CEP95: variants seen among roughly 807,000 people sequenced by gnomAD.
CEP95 encodes the protein centrosomal protein 95.
CEP95 carries 98 observed loss-of-function variants against 111.2 expected under a neutral mutation model. That is an observed-to-expected ratio of 0.88 (90% CI 0.75 to 1.04). The LOEUF is 1.04. CEP95 is among the 50% of genes least tolerant of loss of function. The pLI, the probability that CEP95 is intolerant of heterozygous loss-of-function variation, is 0.00. For missense variants in CEP95, 1,027 were observed against 977.2 expected, an observed-to-expected ratio of 1.05 and a Z score of -0.68; for synonymous variants, 323 against 327.1, an observed-to-expected ratio of 0.99 and a Z score of 0.14.
At chr17:64,507,489 T>C (rs1427504908) in intron 1 of CEP95, 2 of 1,220,204 alleles carry the variant, frequency 1.6e-6, no homozygotes, top group Non-Finnish European at 2.1e-6. Context: ...TGCTTTTGTA[T>C]TGGTCTTTAA....
Position 64,522,836 on chromosome 17 carries a change from C to T in CEP95, c.850C>T (p.His284Tyr), listed in dbSNP as rs782018529. ...APCPIGKEYLHSSHCSPAVNS... is the reference protein window; with the variant it reads ...APCPIGKEYLYSSHCSPAVNS... ...CTGCCCCATAGGAAAAGAATACTTGCATTCAAGTCACTGCTCCCCAGCCGT... is the reference window on the plus strand; with the variant it reads ...CTGCCCCATAGGAAAAGAATACTTGTATTCAAGTCACTGCTCCCCAGCCGT... Residue 284 changes from histidine to tyrosine, a missense_variant, in exon 8 of 20, where the codon CAT becomes TAT. By Grantham distance (83) the His-to-Tyr change is moderately conservative. Coordinates refer to ENST00000556440, the MANE Select transcript of CEP95 (RefSeq NM_138363.3). The T allele has an allele frequency of 1.2e-6, 2 of 1,613,568 alleles. No homozygotes were observed. Among genetic ancestry groups the T allele is most frequent in the Admixed American group, 3.3e-5 (2 of 59,994 alleles).
chr17:64,508,664 G>C lies in CEP95; in HGVS notation c.92G>C (p.Cys31Ser). The change falls in exon 2 of 20, where the codon TGT becomes TCT. Residue 31 changes from cysteine to serine, a missense_variant. Coordinates refer to ENST00000556440, the MANE Select transcript of CEP95 (RefSeq NM_138363.3). Reference protein sequence around the residue: ...IHLRIHELQDCDANVFIALYQ... With the variant: ...IHLRIHELQDSDANVFIALYQ... ...CTGAGAATACATGAACTTCAAGACT[G>C]TGATGCTAATGTTTTTATTGCTCTT... 1 of 1,463,700 alleles carries C rather than the reference G, an allele frequency of 6.8e-7. No homozygotes were observed. The highest frequency in any genetic ancestry group is 9.1e-7 in the Non-Finnish European group (1 of 1,098,930). 90.7% of individuals were successfully genotyped at this position (1,463,700 alleles called of 1,614,324 possible).
chr17:64,537,891 T>C lies in CEP95; in HGVS notation c.*112T>C. The C allele has an allele frequency of 4.0e-6, 2 of 506,242 alleles. No individual in the cohort carries two copies. Among genetic ancestry groups the C allele is most frequent in the Non-Finnish European group, 3.2e-6 (1 of 314,806 alleles). The allele number at this position is 506,242 out of a possible 1,614,324, so 31.4% of individuals were successfully genotyped here. ...AAAAATAATTTTCAAATGCTTTACC[T>C]GTATTTTCATTCCAGTACTTTTTAT... is the stretch of plus-strand genomic sequence containing the variant. On this transcript the variant is annotated 3_prime_UTR_variant, in exon 20 of 20. Transcript: ENST00000556440.
Position 64,508,651 on chromosome 17 carries a change from G to A in CEP95, c.79G>A (p.Glu27Lys), listed in dbSNP as rs1555673731. 2.0e-6 allele frequency: 3 copies of A among 1,466,518 alleles called. No homozygotes were observed. The South Asian group carries it at 4.6e-5, about 23-fold the overall frequency. 90.8% of individuals were successfully genotyped at this position (1,466,518 alleles called of 1,614,324 possible). ...FKCHIHLRIHELQDCDANVFI... is the reference protein window; with the variant it reads ...FKCHIHLRIHKLQDCDANVFI... ...GTGTCATATACATCTGAGAATACATGAACTTCAAGACTGTGATGCTAATGT... is the reference window on the plus strand; with the variant it reads ...GTGTCATATACATCTGAGAATACATAAACTTCAAGACTGTGATGCTAATGT... The change falls in exon 2 of 20, where the codon GAA becomes AAA. Residue 27 changes from glutamate (E) to lysine (K), a missense_variant. By Grantham distance (56) the Glu-to-Lys change is moderately conservative. Coordinates refer to ENST00000556440, the MANE Select transcript of CEP95 (RefSeq NM_138363.3).
In CEP95 at chr17:64,522,707, A is replaced by G; in HGVS notation, c.721A>G (p.Thr241Ala). ...ACTTTAATTTGTCTTACTAGCGGAA[A>G]CCCTTTCTGTGAGTGGGATTCCAAA... ...SRTSFVEDTE[T>A]LSVSGIPNAR... Residue 241 changes from threonine (T) to alanine (A), a missense_variant, in exon 8 of 20, where the codon ACC becomes GCC. Transcript: ENST00000556440. 1 of 1,611,292 alleles carries G rather than the reference A, an allele frequency of 6.2e-7. No individual in the cohort carries two copies. Among genetic ancestry groups the G allele is most frequent in the Non-Finnish European group, 8.5e-7 (1 of 1,178,760 alleles).
At chr17:64,520,952 T>C (rs1967285510) in intron 6 of CEP95, among the ~76,000 whole-genome samples, 1 of 152,168 alleles carries the variant, frequency 6.6e-6, no homozygotes, top group Admixed American at 6.5e-5. Flanking sequence ...TTAAAAATAA[T>C]TGATATTATG....
At position 64,534,439 on chromosome 17, in the gene CEP95, G is replaced by A. The variant is rs1598250200; in HGVS notation, c.1918-146G>A. 2.7e-5 allele frequency: 18 copies of A among 657,644 alleles called. No homozygotes were observed. The East Asian group carries it at 4.7e-4, about 17-fold the overall frequency. The allele number at this position is 657,644 out of a possible 1,614,324, so 40.7% of individuals were successfully genotyped here. A position where few individuals can be genotyped will look rare whatever the true frequency, so the allele number is the denominator to read the frequency against. The stretch of plus-strand genomic sequence containing the variant: ...AGATTGAGGTGATAAAGCTGCCAAA[G>A]GCTGAAGGGCTTCTGGGGCCACTGG... On this transcript the variant is annotated intron_variant, in intron 16 of 19. Transcript: ENST00000556440.
chr17:64,508,759 T>G, intron 2 of CEP95, 39 bp downstream of exon 2: 1 of 1,193,724 alleles, frequency 8.4e-7, no homozygotes, highest in Non-Finnish European at 1.1e-6. Context: ...TGCCTATATC[T>G]TAGGCCAAAA....
At chr17:64,528,204 A>G (rs1240571181) in intron 11 of CEP95, among the ~76,000 whole-genome samples, 1 of 152,130 alleles carries the variant, frequency 6.6e-6, no homozygotes, top group Non-Finnish European at 1.5e-5. Context: ...TCCACCAACT[A>G]AAATCCTGCA....
At position 64,516,733 on chromosome 17, in the gene CEP95, A is replaced by G. The variant is rs782219077; in HGVS notation, c.378A>G (p.Glu126=). ...SETSHEKSET[E]QYFKESDRGE... The stretch of plus-strand genomic sequence containing the variant: ...ATCTGTTCTGAACAGGTGAAACTGA[A>G]CAGTATTTTAAAGAATCTGATCGAG... Residue 126 remains glutamate, a synonymous_variant, in exon 5 of 20, where the codon GAA becomes GAG. Coordinates refer to ENST00000556440, the MANE Select transcript of CEP95 (RefSeq NM_138363.3). 3.1e-6 allele frequency: 5 copies of G among 1,603,306 alleles called. No homozygotes were observed. In the African/African-American group the frequency reaches 6.7e-5, roughly 21 times the overall value.
intron 4 of CEP95, among the ~76,000 whole-genome samples, chr17:64,515,504 G>A (rs2039094117): frequency 6.6e-6 from 1 of 152,160 alleles, no homozygotes; most frequent in South Asian, 2.1e-4. Flanking sequence ...AGGGATGGTA[G>A]TGCCTGGCTA....
intron 17 of CEP95, chr17:64,535,291 G>A (rs1968572250): frequency 6.3e-6 from 1 of 158,452 alleles, no homozygotes; most frequent in Non-Finnish European, 1.4e-5. Context: ...TAACTTGTCT[G>A]TAGCTCATGA....
chr17:64,519,652 G>T (rs138595927), intron 6 of CEP95, among the ~76,000 whole-genome samples: 1 of 152,300 alleles, frequency 6.6e-6, no homozygotes, highest in African/African-American at 2.4e-5. Flanking sequence ...TGTATGCAAG[G>T]TTATTAGGTA....
intron 16 of CEP95, among the ~76,000 whole-genome samples, chr17:64,533,492 A>C (rs1968433146): frequency 6.6e-6 from 1 of 152,098 alleles, no homozygotes; most frequent in African/African-American, 2.4e-5. Flanking sequence ...CTGTGGTCCC[A>C]GCTACTTGGG....
At chr17:64,508,045 C>G (rs1004148326) in intron 1 of CEP95, 1 of 985,132 alleles carries the variant, frequency 1.0e-6, no homozygotes, top group East Asian at 1.1e-4. Context: ...GAAAAACTAA[C>G]AAATGCATTA....
chr17:64,512,646 G>A (rs1555675422), intron 3 of CEP95, among the ~76,000 whole-genome samples: 2 of 152,122 alleles, frequency 1.3e-5, no homozygotes, highest in Non-Finnish European at 2.9e-5. Context: ...ATGTTAATCA[G>A]GATAAGTCCT....
intron 16 of CEP95, 58 bp from the exon 17 acceptor site, chr17:64,534,527 T>G: frequency 1.3e-6 from 2 of 1,493,424 alleles, no homozygotes; most frequent in East Asian, 4.5e-5. Flanking sequence ...ATGAGAACGC[T>G]GGAATCTGCA....
Position 64,521,755 on chromosome 17 carries a change from T to TA in CEP95, c.715+229dup, listed in dbSNP as rs1239486293. Among the ~76,000 whole-genome samples, 5 of 152,148 alleles carry TA rather than the reference T, an allele frequency of 3.3e-5. No homozygotes were observed. The East Asian group carries it at 7.7e-4, about 23-fold the overall frequency. The stretch of plus-strand genomic sequence containing the variant: ...TTTTATTATCTAAATTCTCACCACT[T>TA]ACCTTTTTTTTTTAATGGGACAGAG... On this transcript the variant is annotated intron_variant, in intron 7 of 19. Transcript: ENST00000556440.
At chr17:64,527,944 T>C (rs1165297942) in intron 11 of CEP95, among the ~76,000 whole-genome samples, 5 of 151,382 alleles carry the variant, frequency 3.3e-5, no homozygotes, top group African/African-American at 1.2e-4. Flanking sequence ...TTGCTGGACA[T>C]GTTGTTTCCA....
Sources: allele counts gnomAD v4.1 joint callset (sites outside exome capture counted in the v4.1 genomes callset), GRCh38; gene constraint gnomAD v4.1.1; transcripts MANE v1.5; gene names NCBI Gene and HGNC (gene_info 2026-07-23, HGNC 2026-07-21).